The following NXPE2 variants were observed in gnomAD, a reference collection of about 807,000 sequenced individuals.
The protein encoded by NXPE2 is neurexophilin and PC-esterase domain family member 2, also known as NXPE family member 2.
NXPE2 carries 34 observed loss-of-function variants against 34.4 expected under a neutral mutation model. The ratio of observed to expected loss-of-function variants is 0.99; its 90% CI spans 0.75 to 1.31. The LOEUF is 1.31. Ranked by LOEUF, NXPE2 falls within the 40% of genes most tolerant of loss-of-function variation. The probability of loss-of-function intolerance (pLI) is 0.00; values close to 1 mark genes in which losing one functional copy is unlikely to be tolerated. For missense variants in NXPE2, 649 were observed against 672.5 expected (o/e 0.97, Z 0.39); for synonymous variants, 235 against 231.3 (o/e 1.02, Z -0.15).
At chr11:114,495,396 C>T in the NXPE2 span, among the ~76,000 whole-genome samples, 2 of 151,880 alleles carry the variant, frequency 1.3e-5, no homozygotes, top group South Asian at 2.1e-4. Context: ...TCTACTGTGG[C>T]TGAACTGGAC....
chr11:114,755,494 C>T, the NXPE2 span, among the ~76,000 whole-genome samples: 1 of 152,150 alleles, frequency 6.6e-6, no homozygotes, highest in Admixed American at 6.5e-5. Flanking sequence ...TGGATGTGTG[C>T]TCTTCTCTCT....
chr11:114,567,024 G>A, the NXPE2 span, among the ~76,000 whole-genome samples: 394 of 152,272 alleles, frequency 2.6e-3, 1 homozygote, highest in Non-Finnish European at 4.3e-3. Context: ...GGGCTTGGGA[G>A]GGGCATTGCA....
chr11:114,585,593 A>G, the NXPE2 span, among the ~76,000 whole-genome samples: 1 of 151,958 alleles, frequency 6.6e-6, no homozygotes, highest in Non-Finnish European at 1.5e-5. Context: ...AAATATATGT[A>G]CGTGTGTGTG....
the NXPE2 span, among the ~76,000 whole-genome samples, chr11:114,779,945 G>A: frequency 8.5e-5 from 13 of 152,112 alleles, no homozygotes; most frequent in South Asian, 2.1e-4. Context: ...AACACTCCAG[G>A]GAGGAAGCAG....
At chr11:114,745,074 A>G in the NXPE2 span, among the ~76,000 whole-genome samples, 1 of 152,174 alleles carries the variant, frequency 6.6e-6, no homozygotes, top group South Asian at 2.1e-4. Context: ...CAAGAATAAT[A>G]AAAACATTAT....
At chr11:114,727,785 ACACACACACACACACAC>A in the NXPE2 span, among the ~76,000 whole-genome samples, 1 of 149,548 alleles carries the variant, frequency 6.7e-6, no homozygotes, top group African/African-American at 2.5e-5. Flanking sequence ...ACACACACAC[ACACACACACACACACAC>A]ACACACACAC....
At chr11:114,484,507 C>T in the NXPE2 span, among the ~76,000 whole-genome samples, 3 of 152,086 alleles carry the variant, frequency 2.0e-5, no homozygotes, top group Non-Finnish European at 2.9e-5. Flanking sequence ...TTTTTGTTGT[C>T]TACTCCGTGG....
the NXPE2 span, among the ~76,000 whole-genome samples, chr11:114,726,591 G>T: frequency 6.6e-6 from 1 of 152,032 alleles, no homozygotes; most frequent in Non-Finnish European, 1.5e-5. Flanking sequence ...TTGTACAATG[G>T]ACAGGCTGAG....
the NXPE2 span, among the ~76,000 whole-genome samples, chr11:114,638,268 C>G: frequency 3.3e-5 from 5 of 152,068 alleles, no homozygotes; most frequent in Admixed American, 1.3e-4. Context: ...GCTCCTGAGG[C>G]TTCTGCATTC....
the NXPE2 span, among the ~76,000 whole-genome samples, chr11:114,539,441 A>G: frequency 6.6e-6 from 1 of 152,226 alleles, no homozygotes; most frequent in Non-Finnish European, 1.5e-5. Context: ...AATAATAACA[A>G]AGAAAATACA....
At chr11:114,470,146 C>T in the NXPE2 span, among the ~76,000 whole-genome samples, 1 of 152,098 alleles carries the variant, frequency 6.6e-6, no homozygotes, top group African/African-American at 2.4e-5. Flanking sequence ...AATAAAGATG[C>T]TGTGAACATT....
chr11:114,564,342 T>G, the NXPE2 span, among the ~76,000 whole-genome samples: 4 of 152,098 alleles, frequency 2.6e-5, no homozygotes, highest in African/African-American at 9.7e-5. Flanking sequence ...GATAAAAGAC[T>G]ACACATTGGG....
the NXPE2 span, among the ~76,000 whole-genome samples, chr11:114,672,321 AAATTT>A: frequency 6.6e-6 from 1 of 151,976 alleles, no homozygotes; most frequent in Non-Finnish European, 1.5e-5. Context: ...AACAATCCCT[AAATTT>A]TTTCAAAATA....
chr11:114,479,422 A>G, the NXPE2 span, among the ~76,000 whole-genome samples: 1 of 152,128 alleles, frequency 6.6e-6, no homozygotes, highest in South Asian at 2.1e-4. Context: ...CATTTGAGAA[A>G]TATTTAGGAG....
At chr11:114,632,658 AAT>A in the NXPE2 span, among the ~76,000 whole-genome samples, 1 of 90,530 alleles carries the variant, frequency 1.1e-5, no homozygotes, top group Non-Finnish European at 1.9e-5. Flanking sequence ...ATGTAAAATA[AAT>A]ATATAGTATA....
At chr11:114,785,313 G>A in the NXPE2 span, among the ~76,000 whole-genome samples, 2 of 152,098 alleles carry the variant, frequency 1.3e-5, no homozygotes. Flanking sequence ...GAGGTCATGA[G>A]GCTGTTCAAT....
At chr11:114,580,009 T>C in the NXPE2 span, 1 of 789,828 alleles carries the variant, frequency 1.3e-6, no homozygotes, top group Non-Finnish European at 2.1e-6. Context: ...TTGTGAAAAA[T>C]TTTGGTGTGT....
chr11:114,482,520 T>C, the NXPE2 span, among the ~76,000 whole-genome samples: 1 of 152,324 alleles, frequency 6.6e-6, no homozygotes, highest in South Asian at 2.1e-4. Context: ...TCATTAGTTT[T>C]AACTATATTT....
chr11:114,588,133 A>G, the NXPE2 span, among the ~76,000 whole-genome samples: 1 of 152,292 alleles, frequency 6.6e-6, no homozygotes, highest in South Asian at 2.1e-4. Flanking sequence ...AGCAACCTCC[A>G]GGGAACTATC....
Sources: gnomAD v4.1 joint callset for allele counts (sites outside exome capture counted in the v4.1 genomes callset) on GRCh38, gnomAD v4.1.1 for gene constraint, MANE v1.5 for transcripts, NCBI Gene and HGNC (gene_info 2026-07-23, HGNC 2026-07-21) for gene names.